The following RANBP2 variants were observed in gnomAD, a reference collection of about 807,000 sequenced individuals.
The protein encoded by RANBP2 is E3 SUMO-protein ligase RanBP2.
RANBP2 carries 57 observed loss-of-function variants against 303.6 expected under a neutral mutation model. The observed-to-expected ratio is 0.19, with a 90% CI of 0.15 to 0.23. The LOEUF (loss-of-function observed/expected upper bound fraction) is 0.23. Ranked by LOEUF, RANBP2 falls within the 10% of genes least tolerant of loss-of-function variation. The probability of loss-of-function intolerance (pLI) is 1.00; values close to 1 mark genes in which losing one functional copy is unlikely to be tolerated. For synonymous variants in RANBP2, 1,167 were observed against 1,301.5 expected (o/e 0.90, Z 2.23); for missense variants, 3,138 against 3,780.8 (o/e 0.83, Z 4.46).
intron 4 of RANBP2, 144 bp from the exon 5 acceptor site, chr2:108,735,388 G>A (rs1573714672): frequency 6.7e-7 from 1 of 1,499,326 alleles, no homozygotes; most frequent in Middle Eastern, 2.4e-4. Context: ...ACTCTCAGAA[G>A]GGATGAATAA....
chr2:109,106,610 G>C, the RANBP2 span, among the ~76,000 whole-genome samples: 1 of 152,064 alleles, frequency 6.6e-6, no homozygotes, highest in Non-Finnish European at 1.5e-5. Flanking sequence ...GCTAAGATGG[G>C]TGGATCATGA....
chr2:109,761,904 A>G, the RANBP2 span, among the ~76,000 whole-genome samples: 3 of 151,636 alleles, frequency 2.0e-5, no homozygotes, highest in African/African-American at 7.3e-5. Flanking sequence ...TGTGGTGTGC[A>G]CATGAATATG....
chr2:108,929,770 G>A, the RANBP2 span, among the ~76,000 whole-genome samples: 1 of 152,182 alleles, frequency 6.6e-6, no homozygotes, highest in African/African-American at 2.4e-5. Flanking sequence ...GCCCAGAGGC[G>A]GAGGGAGATG....
chr2:109,315,923 G>T, the RANBP2 span, among the ~76,000 whole-genome samples: 47,332 of 151,930 alleles, frequency 0.31, 9,113 homozygotes, highest in African/African-American at 0.55. Context: ...TGTGTCTCTG[G>T]GTTGTTTTGG....
At chr2:109,255,483 C>T in the RANBP2 span, among the ~76,000 whole-genome samples, 3 of 152,120 alleles carry the variant, frequency 2.0e-5, no homozygotes, top group Non-Finnish European at 4.4e-5. Flanking sequence ...ATTAGTCAGC[C>T]GACTGGGTAT....
the RANBP2 span, among the ~76,000 whole-genome samples, chr2:109,064,311 C>T: frequency 2.6e-5 from 4 of 152,046 alleles, no homozygotes; most frequent in African/African-American, 9.6e-5. Context: ...CAAAAATTAG[C>T]CGGGCATGGT....
chr2:109,519,283 G>A, the RANBP2 span, among the ~76,000 whole-genome samples: 2 of 152,044 alleles, frequency 1.3e-5, no homozygotes, highest in Non-Finnish European at 2.9e-5. Flanking sequence ...ACAGCACTAG[G>A]GGGATGGCAC....
At chr2:109,674,921 T>C in the RANBP2 span, among the ~76,000 whole-genome samples, 1 of 152,272 alleles carries the variant, frequency 6.6e-6, no homozygotes, top group South Asian at 2.1e-4. Flanking sequence ...TCTCCCTCAC[T>C]TCATGTCTTA....
the RANBP2 span, among the ~76,000 whole-genome samples, chr2:109,042,101 G>T: frequency 6.6e-6 from 1 of 152,066 alleles, no homozygotes; most frequent in East Asian, 1.9e-4. Flanking sequence ...TTTCTCATAA[G>T]GTCCTGGTCT....
At chr2:109,261,171 C>G in the RANBP2 span, among the ~76,000 whole-genome samples, 1 of 152,144 alleles carries the variant, frequency 6.6e-6, no homozygotes, top group Admixed American at 6.5e-5. Flanking sequence ...ACATTTCTGG[C>G]TCTGTCACAC....
chr2:109,615,934 T>G, the RANBP2 span: 1 of 1,604,226 alleles, frequency 6.2e-7, no homozygotes, highest in Non-Finnish European at 8.5e-7. Context: ...ACCCAGATCG[T>G]CCACACCACA....
the RANBP2 span, among the ~76,000 whole-genome samples, chr2:109,476,142 G>A: frequency 6.6e-6 from 1 of 152,180 alleles, no homozygotes; most frequent in East Asian, 1.9e-4. Flanking sequence ...TTTAAAATTT[G>A]CTTATTAGCA....
chr2:109,256,761 G>A, the RANBP2 span, among the ~76,000 whole-genome samples: 10 of 152,308 alleles, frequency 6.6e-5, no homozygotes, highest in Admixed American at 2.0e-4. Context: ...ATTGATGAAT[G>A]AATCACTGGA....
intron 25 of RANBP2, among the ~76,000 whole-genome samples, chr2:108,780,175 C>CTT (rs369949318): frequency 3.1e-4 from 43 of 140,510 alleles, no homozygotes; most frequent in African/African-American, 1.1e-3. Flanking sequence ...AATTTACTAG[C>CTT]TTTTTTTTTT....
chr2:109,567,849 T>C, the RANBP2 span: 3 of 1,611,826 alleles, frequency 1.9e-6, no homozygotes, highest in Non-Finnish European at 2.5e-6. Flanking sequence ...AATAGTGTCA[T>C]CATCCGTTGG....
the RANBP2 span, among the ~76,000 whole-genome samples, chr2:109,289,312 G>A: frequency 6.6e-6 from 1 of 151,984 alleles, no homozygotes; most frequent in Non-Finnish European, 1.5e-5. Context: ...ACTGGAACAG[G>A]ATTTCACATC....
At chr2:108,971,153 G>A in the RANBP2 span, among the ~76,000 whole-genome samples, 1 of 152,180 alleles carries the variant, frequency 6.6e-6, no homozygotes, top group Non-Finnish European at 1.5e-5. Flanking sequence ...GTCAGACCCT[G>A]ATGGTGCTGG....
rs1354106542 is a variant in RANBP2, at chr2:108,784,898, C to G, written c.*997C>G. 1 of 152,282 alleles carries G rather than the reference C, an allele frequency of 6.6e-6. No homozygotes were observed. Among genetic ancestry groups the G allele is most frequent in the East Asian group, 1.9e-4 (1 of 5,194 alleles). 9.4% of individuals were successfully genotyped at this position (152,282 alleles called of 1,614,324 possible). A position where few individuals can be genotyped will look rare whatever the true frequency, so the allele number is the denominator to read the frequency against. On this transcript the variant is annotated 3_prime_UTR_variant, in exon 29 of 29. Coordinates refer to ENST00000283195, the MANE Select transcript of RANBP2 (RefSeq NM_006267.5). ...AAACTGCTGCATAATTTCCAGAGCTCCTAGTTTCTCAAGTTTGATACACAC... is the reference window on the plus strand; with the variant it reads ...AAACTGCTGCATAATTTCCAGAGCTGCTAGTTTCTCAAGTTTGATACACAC...
At chr2:109,619,124 A>G in the RANBP2 span, 1 of 161,774 alleles carries the variant, frequency 6.2e-6, no homozygotes, top group Non-Finnish European at 1.5e-5. Context: ...TATGGGCCAT[A>G]TATTGTTGAC....
Sources: gnomAD v4.1 joint callset for allele counts (sites outside exome capture counted in the v4.1 genomes callset) on GRCh38, gnomAD v4.1.1 for gene constraint, MANE v1.5 for transcripts, NCBI Gene and HGNC (gene_info 2026-07-23, HGNC 2026-07-21) for gene names.